The following CSMD1 variants were observed in gnomAD, a reference collection of about 807,000 sequenced individuals.
CSMD1 encodes CUB and sushi domain-containing protein 1.
Under a neutral mutation model 417.5 loss-of-function variants are expected in CSMD1, and 213 were observed. The ratio of observed to expected loss-of-function variants is 0.51; its 90% CI spans 0.46 to 0.57. The LOEUF is 0.57. CSMD1 is among the 20% of genes least tolerant of loss of function. The pLI, the probability that CSMD1 is intolerant of heterozygous loss-of-function variation, is 0.00. For synonymous variants in CSMD1, 2,862 were observed against 1,736.8 expected (o/e 1.65, Z -16.11); for missense variants, 6,923 against 4,529.7 (o/e 1.53, Z -15.17).
intron 2 of CSMD1, among the ~76,000 whole-genome samples, chr8:4,424,542 G>A (rs866900649): frequency 6.6e-6 from 1 of 151,902 alleles, no homozygotes; most frequent in South Asian, 2.1e-4. Context: ...AATAAATAAT[G>A]ACAACATCAC....
At chr8:4,568,452 T>C (rs1249089155) in intron 2 of CSMD1, among the ~76,000 whole-genome samples, 1 of 152,200 alleles carries the variant, frequency 6.6e-6, no homozygotes, top group African/African-American at 2.4e-5. Context: ...CATGAACTCA[T>C]TCTTTTTTTA....
chr8:3,401,675 T>C (rs1447218574), intron 15 of CSMD1, among the ~76,000 whole-genome samples: 1 of 152,226 alleles, frequency 6.6e-6, no homozygotes, highest in Non-Finnish European at 1.5e-5. Context: ...GAGACACAGG[T>C]CCCTTCTTCA....
intron 39 of CSMD1, among the ~76,000 whole-genome samples, chr8:3,156,520 A>G (rs1157518245): frequency 6.6e-6 from 1 of 152,178 alleles, no homozygotes; most frequent in Non-Finnish European, 1.5e-5. Context: ...AGTCAGGCAC[A>G]TGGTGGTGGT....
chr8:4,961,011 ACT>A (rs1405033250), intron 1 of CSMD1, among the ~76,000 whole-genome samples: 1 of 152,038 alleles, frequency 6.6e-6, no homozygotes, highest in Non-Finnish European at 1.5e-5. Context: ...TGAGCATTTT[ACT>A]CTCTTACAGA....
At chr8:4,625,737 T>C (rs996373626) in intron 2 of CSMD1, among the ~76,000 whole-genome samples, 2 of 152,114 alleles carry the variant, frequency 1.3e-5, no homozygotes, top group Admixed American at 6.5e-5. Flanking sequence ...TGTATATATA[T>C]ATTTGAGAAA....
intron 16 of CSMD1, among the ~76,000 whole-genome samples, chr8:3,397,698 C>G (rs572239657): frequency 6.6e-6 from 1 of 152,256 alleles, no homozygotes; most frequent in East Asian, 1.9e-4. Flanking sequence ...CATAGTCATG[C>G]TGAAGTTGTC....
Position 3,399,434 on chromosome 8 carries a change from T to C in CSMD1, c.2362A>G (p.Ile788Val). ...YKDSLHCEWI[I>V]EAKPGHSIKI... Reference sequence around the variant, plus strand: ...ATAGAGTGGCCTGGTTTTGCTTCAATTATCCATTCACAATGTAAAGAATCC... The same window carrying C: ...ATAGAGTGGCCTGGTTTTGCTTCAACTATCCATTCACAATGTAAAGAATCC... The change falls in exon 16 of 70, where the codon ATT becomes GTT. Residue 788 changes from isoleucine (I) to valine (V), a missense_variant. Physicochemically the swap from Ile to Val is conservative, Grantham distance 29. Coordinates refer to ENST00000635120, the MANE Select transcript of CSMD1 (RefSeq NM_033225.6). The C allele has an allele frequency of 6.2e-7, 1 of 1,609,022 alleles. No homozygotes were observed. The highest frequency in any genetic ancestry group is 8.5e-7 in the Non-Finnish European group (1 of 1,177,844).
chr8:4,769,332 C>T (rs895007830), intron 1 of CSMD1, among the ~76,000 whole-genome samples: 18 of 151,974 alleles, frequency 1.2e-4, no homozygotes, highest in African/African-American at 3.6e-4. Flanking sequence ...CTACAATTAC[C>T]GTTTAAGTAA....
Position 3,835,756 on chromosome 8 carries a change from C to T in CSMD1, c.819-81714G>A, listed in dbSNP as rs576988389. Among the ~76,000 whole-genome samples, 2 of 151,848 alleles carry T rather than the reference C, an allele frequency of 1.3e-5. 1 individual carries two copies. Among genetic ancestry groups the T allele is most frequent in the Non-Finnish European group, 2.9e-5 (2 of 67,966 alleles). The stretch of plus-strand genomic sequence containing the variant: ...AAAAAGAAATTTGGATGGCTCCACC[C>T]TTAACCCCACCATTTGGCTAACTCT... On this transcript the variant is annotated intron_variant, in intron 5 of 69. Transcript: ENST00000635120.
intron 2 of CSMD1, among the ~76,000 whole-genome samples, chr8:4,473,075 C>T (rs1054612171): frequency 2.2e-4 from 33 of 151,908 alleles, no homozygotes; most frequent in African/African-American, 8.0e-4. Context: ...AGGATATGGG[C>T]CTGAATTATG....
chr8:3,129,548 G>C (rs1032227161), intron 41 of CSMD1, among the ~76,000 whole-genome samples: 2 of 152,128 alleles, frequency 1.3e-5, no homozygotes, highest in African/African-American at 4.8e-5. Flanking sequence ...GCCGAGGTGG[G>C]TGGATCACTT....
chr8:3,315,072 TACTA>T (rs750241383), intron 23 of CSMD1, among the ~76,000 whole-genome samples: 3 of 152,186 alleles, frequency 2.0e-5, no homozygotes, highest in African/African-American at 4.8e-5. Context: ...TACAAAAACA[TACTA>T]TCTATCTGTT....
Position 3,763,288 on chromosome 8 carries a change from G to A in CSMD1, c.819-9246C>T, listed in dbSNP as rs1294966530. On this transcript the variant is annotated intron_variant, in intron 5 of 69. Transcript: ENST00000635120. ...ATATTTTGTCTCCTCCAAATCTCAT[G>A]TTGACATATGATTGCCGGTATTGGA... Among the ~76,000 whole-genome samples the A allele has an allele frequency of 2.0e-5, 3 of 152,262 alleles. No homozygotes were observed. The East Asian group carries it at 5.8e-4, about 30-fold the overall frequency.
chr8:3,275,293 G>C (rs13268557), intron 26 of CSMD1, among the ~76,000 whole-genome samples: 9 of 151,920 alleles, frequency 5.9e-5, no homozygotes, highest in Non-Finnish European at 4.4e-5. Context: ...TCTGTCAAGA[G>C]ATCTGCTGTT....
intron 26 of CSMD1, among the ~76,000 whole-genome samples, chr8:3,270,258 A>G (rs938258506): frequency 6.6e-6 from 1 of 151,990 alleles, no homozygotes; most frequent in African/African-American, 2.4e-5. Context: ...GGGTATCACC[A>G]TGTTGGCCAG....
At chr8:4,029,501 G>T (rs566518579) in intron 4 of CSMD1, among the ~76,000 whole-genome samples, 64 of 152,224 alleles carry the variant, frequency 4.2e-4, no homozygotes, top group African/African-American at 1.4e-3. Flanking sequence ...GATCTTGAGA[G>T]ACTTATTCAC....
rs1402321264 is a variant in CSMD1, at chr8:3,853,616, G to A, written c.819-99574C>T. Among the ~76,000 whole-genome samples the A allele has an allele frequency of 4.0e-5, 6 of 151,874 alleles. No individual in the cohort carries two copies. The South Asian group carries it at 1.2e-3, about 32-fold the overall frequency. On this transcript the variant is annotated intron_variant, in intron 5 of 69. Coordinates refer to ENST00000635120, the MANE Select transcript of CSMD1 (RefSeq NM_033225.6). ...AAGAAGGCACTTATGAAAAAAGAAG[G>A]AGACCTTGTGCCCCTGTGAGCAATG...
intron 29 of CSMD1, among the ~76,000 whole-genome samples, chr8:3,215,558 G>T (rs1425863410): frequency 1.3e-5 from 2 of 152,304 alleles, no homozygotes; most frequent in African/African-American, 4.8e-5. Flanking sequence ...CACTTCTGGG[G>T]CCCCTCAATT....
chr8:4,409,554 C>A (rs1449425657), intron 3 of CSMD1, among the ~76,000 whole-genome samples: 6 of 152,020 alleles, frequency 3.9e-5, no homozygotes, highest in Non-Finnish European at 2.9e-5. Flanking sequence ...TAATTCAGAA[C>A]ATGCCACTCA....
Sources: gnomAD v4.1 joint callset for allele counts (sites outside exome capture counted in the v4.1 genomes callset) on GRCh38, gnomAD v4.1.1 for gene constraint, MANE v1.5 for transcripts, NCBI Gene and HGNC (gene_info 2026-07-23, HGNC 2026-07-21) for gene names.